The following ARAP2 variants were observed in gnomAD, a reference collection of about 807,000 sequenced individuals.
The protein encoded by ARAP2 is arf-GAP with Rho-GAP domain, ANK repeat and PH domain-containing protein 2.
A neutral mutation model predicts 194.5 loss-of-function variants in ARAP2; 148 were observed. The observed-to-expected ratio is 0.76, with a 90% CI of 0.67 to 0.87. ARAP2 has a LOEUF of 0.87. Ranked by LOEUF, ARAP2 falls within the 40% of genes least tolerant of loss-of-function variation. ARAP2 has a pLI of 0.00. For synonymous variants in ARAP2, 695 were observed against 683.5 expected (o/e 1.02, Z -0.26); for missense variants, 2,128 against 1,989.7 (o/e 1.07, Z -1.32).
intron 27 of ARAP2, among the ~76,000 whole-genome samples, chr4:36,096,363 A>C (rs1715255185): frequency 1.3e-5 from 1 of 76,404 alleles, no homozygotes; most frequent in Admixed American, 1.3e-4. Context: ...AGACTCTCTC[A>C]AAAAAAAAAA....
chr4:36,099,271 T>A (rs996532233), intron 27 of ARAP2, among the ~76,000 whole-genome samples: 1 of 152,164 alleles, frequency 6.6e-6, no homozygotes, highest in African/African-American at 2.4e-5. Flanking sequence ...CCATGGTGTA[T>A]ATGTACCACA....
At chr4:36,142,206 A>G (rs1728512658) in intron 19 of ARAP2, among the ~76,000 whole-genome samples, 1 of 151,688 alleles carries the variant, frequency 6.6e-6, no homozygotes, top group Admixed American at 6.6e-5. Context: ...CATGGAGAAA[A>G]CTATCAACAT....
At chr4:36,162,542 C>T (rs969932018) in intron 11 of ARAP2, among the ~76,000 whole-genome samples, 1 of 151,118 alleles carries the variant, frequency 6.6e-6, no homozygotes, top group Non-Finnish European at 1.5e-5. Context: ...ATCTTAAGGG[C>T]CCTTTGTCTA....
At chr4:36,060,927 G>C (rs1454773989) in intron 1 of ARAP2, among the ~76,000 whole-genome samples, 1 of 152,084 alleles carries the variant, frequency 6.6e-6, no homozygotes, top group East Asian at 1.9e-4. Flanking sequence ...TCACATTCTA[G>C]GGTACTGGGA....
intron 19 of ARAP2, among the ~76,000 whole-genome samples, chr4:36,137,480 T>G (rs1275603457): frequency 6.6e-6 from 1 of 151,872 alleles, no homozygotes; most frequent in African/African-American, 2.4e-5. Context: ...TGTTTCCTTC[T>G]TTATACATGT....
At chr4:36,084,914 A>G (rs2109358592) in intron 28 of ARAP2, among the ~76,000 whole-genome samples, 1 of 152,194 alleles carries the variant, frequency 6.6e-6, no homozygotes. Flanking sequence ...ATTTCTAGGA[A>G]TTTAACCACT....
In ARAP2 at chr4:36,175,052, T is replaced by C. The variant is rs1022833062; in HGVS notation, c.1857+2775A>G. Reference sequence around the variant, plus strand: ...AGGTCAATTTCATTATTTTTTATTCTATTCATGCTATTAAGTTATGTGGGC... The same window carrying C: ...AGGTCAATTTCATTATTTTTTATTCCATTCATGCTATTAAGTTATGTGGGC... On this transcript the variant is annotated intron_variant, in intron 9 of 32. Coordinates refer to ENST00000303965, the MANE Select transcript of ARAP2 (RefSeq NM_015230.4). 3.3e-5 allele frequency among the ~76,000 whole-genome samples: 5 copies of C among 152,138 alleles called. No homozygotes were observed. The East Asian group carries it at 9.7e-4, about 29-fold the overall frequency.
intron 7 of ARAP2, among the ~76,000 whole-genome samples, chr4:36,190,902 AC>A (rs952906737): frequency 6.6e-6 from 1 of 152,228 alleles, no homozygotes; most frequent in Non-Finnish European, 1.5e-5. Flanking sequence ...AACAAAGGAA[AC>A]CCTATAAATC....
chr4:36,124,382 A>C (rs979235751), intron 22 of ARAP2, among the ~76,000 whole-genome samples: 1 of 151,856 alleles, frequency 6.6e-6, no homozygotes, highest in Non-Finnish European at 1.5e-5. Flanking sequence ...TCATTGGTAA[A>C]GTCACCATTA....
intron 20 of ARAP2, among the ~76,000 whole-genome samples, chr4:36,132,066 C>A (rs1357327854): frequency 1.3e-5 from 2 of 151,704 alleles, no homozygotes; most frequent in Non-Finnish European, 3.0e-5. Flanking sequence ...CTCCCTAGAA[C>A]AAGAGATTAA....
intron 31 of ARAP2, among the ~76,000 whole-genome samples, chr4:36,077,714 A>AT (rs1400686192): frequency 6.6e-6 from 1 of 152,094 alleles, no homozygotes; most frequent in Non-Finnish European, 1.5e-5. Context: ...GAACAAAATA[A>AT]TTTTTTTCAA....
chr4:36,080,703 T>C (rs1004223395), intron 30 of ARAP2, among the ~76,000 whole-genome samples: 3 of 152,182 alleles, frequency 2.0e-5, no homozygotes, highest in African/African-American at 7.2e-5. Flanking sequence ...GTCTCCATCA[T>C]TGTAATTGTA....
chr4:36,074,646 G>A (rs949896490), intron 31 of ARAP2, among the ~76,000 whole-genome samples: 23 of 152,076 alleles, frequency 1.5e-4, no homozygotes, highest in African/African-American at 4.8e-4. Flanking sequence ...ACAGAATACC[G>A]AGTATAAAAT....
chr4:36,109,496 T>A (rs1349989515), intron 26 of ARAP2, among the ~76,000 whole-genome samples: 1 of 151,902 alleles, frequency 6.6e-6, no homozygotes, highest in East Asian at 1.9e-4. Flanking sequence ...AAATGAGTCA[T>A]CATAAAGCCA....
intron 28 of ARAP2, among the ~76,000 whole-genome samples, chr4:36,087,295 A>T (rs1408392566): frequency 6.6e-6 from 1 of 152,132 alleles, no homozygotes; most frequent in East Asian, 1.9e-4. Context: ...AAAAGCATGA[A>T]TCTCTCATCT....
Position 36,083,397 on chromosome 4 carries a change from T to C in ARAP2, c.4479A>G (p.Gly1493=). ...FSLSSMKFYR[G]VKKKMKPPTS... is the part of the protein sequence containing the mutation. ...TTGGAGGCTTCATTTTCTTTTTCACTCCACGATAAAACTTCATGGAACTGA... is the reference window on the plus strand; with the variant it reads ...TTGGAGGCTTCATTTTCTTTTTCACCCCACGATAAAACTTCATGGAACTGA... The change falls in exon 29 of 33, where the codon GGA becomes GGG. Residue 1493 remains glycine (G), a synonymous_variant. Coordinates refer to ENST00000303965, the MANE Select transcript of ARAP2 (RefSeq NM_015230.4). 6.2e-7 allele frequency: 1 copy of C among 1,608,978 alleles called. No individual in the cohort carries two copies. The highest frequency in any genetic ancestry group is 8.5e-7 in the Non-Finnish European group (1 of 1,178,112).
At chr4:36,108,292 T>G (rs558261342) in intron 26 of ARAP2, among the ~76,000 whole-genome samples, 1 of 152,148 alleles carries the variant, frequency 6.6e-6, no homozygotes, top group East Asian at 1.9e-4. Flanking sequence ...CTAACAAACT[T>G]AATATTGTCC....
At chr4:36,073,883 A>G (rs1727631655) in intron 31 of ARAP2, 60 bp from the exon 32 acceptor site, 1 of 1,571,858 alleles carries the variant, frequency 6.4e-7, no homozygotes, top group Admixed American at 1.8e-5. Flanking sequence ...ATACTATGTC[A>G]TAAAGCCACT....
At chr4:36,159,907 A>C (rs1733519157) in intron 13 of ARAP2, among the ~76,000 whole-genome samples, 1 of 152,356 alleles carries the variant, frequency 6.6e-6, no homozygotes, top group Non-Finnish European at 1.5e-5. Flanking sequence ...CAATCTAATC[A>C]GGAGCTGCAG....
Sources: allele counts gnomAD v4.1 joint callset (sites outside exome capture counted in the v4.1 genomes callset), GRCh38; gene constraint gnomAD v4.1.1; transcripts MANE v1.5; gene names NCBI Gene and HGNC (gene_info 2026-07-23, HGNC 2026-07-21).